The following DCC variants were observed in gnomAD, a reference collection of about 807,000 sequenced individuals.
DCC encodes netrin receptor DCC.
In DCC, 58 loss-of-function variants were observed where a neutral mutation model predicts 172.5. The ratio of observed to expected loss-of-function variants is 0.34; its 90% CI spans 0.27 to 0.42. The LOEUF (loss-of-function observed/expected upper bound fraction) is 0.42, where lower values mean the gene tolerates loss of function less well. Ranked by LOEUF, DCC falls within the 10% of genes least tolerant of loss-of-function variation. The pLI is 1.00. For missense variants in DCC, 1,740 were observed against 1,791.0 expected, an observed-to-expected ratio of 0.97 and a Z score of 0.51; for synonymous variants, 709 against 644.5, an observed-to-expected ratio of 1.10 and a Z score of -1.52.
intron 7 of DCC, among the ~76,000 whole-genome samples, chr18:53,099,231 TC>T: frequency 6.6e-6 from 1 of 152,180 alleles, no homozygotes; most frequent in African/African-American, 2.4e-5. Context: ...AACATTTTCT[TC>T]CCCCTATGTA....
chr18:52,840,850 G>A (rs576066799), intron 2 of DCC, among the ~76,000 whole-genome samples: 1 of 152,262 alleles, frequency 6.6e-6, no homozygotes, highest in Admixed American at 6.5e-5. Flanking sequence ...AAACACAGCA[G>A]TGAACTACAA....
chr18:53,217,557 A>G (rs1226845030), intron 12 of DCC, among the ~76,000 whole-genome samples: 1 of 152,116 alleles, frequency 6.6e-6, no homozygotes, highest in Non-Finnish European at 1.5e-5. Context: ...AGCTTCTAAG[A>G]AATTATGAAT....
At chr18:52,610,029 T>A (rs2034218256) in intron 1 of DCC, among the ~76,000 whole-genome samples, 1 of 149,914 alleles carries the variant, frequency 6.7e-6, no homozygotes, top group Non-Finnish European at 1.5e-5. Flanking sequence ...AAATACCATC[T>A]AAGACTGGGC....
chr18:53,077,796 T>C (rs1343283090), intron 7 of DCC, among the ~76,000 whole-genome samples: 3 of 152,146 alleles, frequency 2.0e-5, no homozygotes, highest in African/African-American at 4.8e-5. Flanking sequence ...CTCAGATAAA[T>C]GGGTGATATT....
chr18:52,585,506 C>A (rs2033648546), intron 1 of DCC, among the ~76,000 whole-genome samples: 1 of 152,094 alleles, frequency 6.6e-6, no homozygotes, highest in Non-Finnish European at 1.5e-5. Flanking sequence ...ACTGGAATGG[C>A]TAATAGTTTC....
At chr18:52,789,196 C>T (rs2037714948) in intron 2 of DCC, among the ~76,000 whole-genome samples, 1 of 152,058 alleles carries the variant, frequency 6.6e-6, no homozygotes, top group Admixed American at 6.6e-5. Flanking sequence ...AACAGCAAAG[C>T]CTTTGGTTTT....
chr18:53,132,537 T>A (rs1326447777), intron 7 of DCC, among the ~76,000 whole-genome samples: 1 of 152,134 alleles, frequency 6.6e-6, no homozygotes, highest in Non-Finnish European at 1.5e-5. Flanking sequence ...TGTGACAAGA[T>A]TATAAAGGTC....
chr18:53,185,881 T>C (rs2055274007), intron 9 of DCC, among the ~76,000 whole-genome samples: 1 of 152,242 alleles, frequency 6.6e-6, no homozygotes, highest in Admixed American at 6.5e-5. Context: ...ATAATAGACA[T>C]GATTTTTTAA....
Position 53,048,059 on chromosome 18 carries a change from T to A in DCC, c.986-15246T>A, listed in dbSNP as rs2042281183. 1.3e-5 allele frequency among the ~76,000 whole-genome samples: 2 copies of A among 152,040 alleles called. 1 individual carries two copies. The highest frequency in any genetic ancestry group is 4.1e-4 in the South Asian group (2 of 4,828). ...TAAAGGCATATTTTTAAAATCTTTGTTTAAATAGCCTTTTTCTTTTGAGTT... is the reference window on the plus strand; with the variant it reads ...TAAAGGCATATTTTTAAAATCTTTGATTAAATAGCCTTTTTCTTTTGAGTT... On this transcript the variant is annotated intron_variant, in intron 5 of 28. Transcript: ENST00000442544.
At chr18:53,498,707 C>T (rs749811472) in intron 26 of DCC, among the ~76,000 whole-genome samples, 5 of 152,166 alleles carry the variant, frequency 3.3e-5, no homozygotes, top group South Asian at 2.1e-4. Context: ...ATTGCAATTC[C>T]GCATTCAGGC....
chr18:52,810,376 G>T (rs886468780), intron 2 of DCC, among the ~76,000 whole-genome samples: 2 of 152,052 alleles, frequency 1.3e-5, no homozygotes, highest in African/African-American at 4.8e-5. Context: ...GCCTTGCTCA[G>T]CCATGCTATT....
chr18:52,448,404 AT>A (rs1032730277), intron 1 of DCC, among the ~76,000 whole-genome samples: 1 of 152,158 alleles, frequency 6.6e-6, no homozygotes, highest in African/African-American at 2.4e-5. Flanking sequence ...CAGAGCATAC[AT>A]TTTGTTATTA....
At chr18:52,887,279 T>C (rs1287065833) in intron 2 of DCC, among the ~76,000 whole-genome samples, 2 of 152,166 alleles carry the variant, frequency 1.3e-5, no homozygotes, top group South Asian at 2.1e-4. Flanking sequence ...TACTACCTCT[T>C]CTAGCATTTA....
At chr18:53,180,194 T>C (rs1014314156) in intron 9 of DCC, among the ~76,000 whole-genome samples, 1 of 152,206 alleles carries the variant, frequency 6.6e-6, no homozygotes, top group African/African-American at 2.4e-5. Context: ...GAGTGCACTT[T>C]CCACAGAATC....
intron 9 of DCC, among the ~76,000 whole-genome samples, chr18:53,188,036 T>C (rs116850567): frequency 0.021 from 3,176 of 152,328 alleles, 54 homozygotes; most frequent in Middle Eastern, 0.058. Context: ...GCTAGTAACT[T>C]GTACATTGTC....
intron 1 of DCC, among the ~76,000 whole-genome samples, chr18:52,510,785 G>T (rs1368298367): frequency 6.6e-6 from 1 of 152,048 alleles, no homozygotes; most frequent in African/African-American, 2.4e-5. Context: ...AGCGTGAAAG[G>T]GTCTTCCCAG....
chr18:52,570,646 G>A (rs1476686033), intron 1 of DCC, among the ~76,000 whole-genome samples: 1 of 152,146 alleles, frequency 6.6e-6, no homozygotes, highest in African/African-American at 2.4e-5. Flanking sequence ...GTCATATTAT[G>A]ATGTTTAGAA....
At chr18:52,505,444 T>C (rs2031194578) in intron 1 of DCC, among the ~76,000 whole-genome samples, 1 of 152,240 alleles carries the variant, frequency 6.6e-6, no homozygotes, top group African/African-American at 2.4e-5. Flanking sequence ...TGGTCTCTGA[T>C]TCTTCTCTAA....
intron 7 of DCC, among the ~76,000 whole-genome samples, chr18:53,091,725 T>C (rs1256765137): frequency 6.6e-6 from 1 of 152,014 alleles, no homozygotes; most frequent in Non-Finnish European, 1.5e-5. Context: ...CACCTCCTAA[T>C]ATGATCACTT....
Sources: gnomAD v4.1 joint callset for allele counts (sites outside exome capture counted in the v4.1 genomes callset) on GRCh38, gnomAD v4.1.1 for gene constraint, MANE v1.5 for transcripts, NCBI Gene and HGNC (gene_info 2026-07-23, HGNC 2026-07-21) for gene names.